The following NAV2 variants were observed in gnomAD, a reference collection of about 807,000 sequenced individuals.
NAV2 encodes the protein neuron navigator 2.
A neutral mutation model predicts 223.2 loss-of-function variants in NAV2; 54 were observed. That is an observed-to-expected ratio of 0.24 (90% CI 0.19 to 0.30). The LOEUF is 0.30. Ranked by LOEUF, NAV2 falls within the 10% of genes least tolerant of loss-of-function variation. NAV2 has a pLI of 1.00. For synonymous variants in NAV2, 1,279 were observed against 1,239.3 expected, an observed-to-expected ratio of 1.03 and a Z score of -0.67; for missense variants, 2,806 against 3,147.5, an observed-to-expected ratio of 0.89 and a Z score of 2.60.
At chr11:19,753,020 C>T (rs1281309519) in intron 1 of NAV2, among the ~76,000 whole-genome samples, 1 of 152,092 alleles carries the variant, frequency 6.6e-6, no homozygotes, top group African/African-American at 2.4e-5. Flanking sequence ...CTCATTCTTT[C>T]CACCATGTGA....
chr11:19,370,756 A>G (rs183470661), intron 1 of NAV2, among the ~76,000 whole-genome samples: 1 of 152,340 alleles, frequency 6.6e-6, no homozygotes, highest in Admixed American at 6.5e-5. Flanking sequence ...CCGTGCACAG[A>G]TACATCATTT....
intron 1 of NAV2, among the ~76,000 whole-genome samples, chr11:19,456,921 A>G (rs968105867): frequency 3.3e-5 from 5 of 152,238 alleles, no homozygotes; most frequent in African/African-American, 9.6e-5. Flanking sequence ...CCTTCAGACT[A>G]GAGGTCCTGT....
At chr11:19,723,632 G>A (rs1412508431) in intron 1 of NAV2, among the ~76,000 whole-genome samples, 1 of 152,174 alleles carries the variant, frequency 6.6e-6, no homozygotes, top group Non-Finnish European at 1.5e-5. Context: ...CAGAGGCTCT[G>A]TGTTTATAGG....
chr11:19,538,021 A>G (rs2044237115), intron 1 of NAV2, among the ~76,000 whole-genome samples: 1 of 152,168 alleles, frequency 6.6e-6, no homozygotes, highest in Non-Finnish European at 1.5e-5. Context: ...AGAGTCCAGA[A>G]CTCAGACCTG....
At chr11:19,760,458 A>G (rs2054637632) in intron 1 of NAV2, among the ~76,000 whole-genome samples, 1 of 152,222 alleles carries the variant, frequency 6.6e-6, no homozygotes, top group Non-Finnish European at 1.5e-5. Context: ...GGCATGTTGC[A>G]GGAAAACAGA....
chr11:19,618,021 A>C (rs2046849599), intron 1 of NAV2, among the ~76,000 whole-genome samples: 1 of 152,034 alleles, frequency 6.6e-6, no homozygotes, highest in Admixed American at 6.6e-5. Flanking sequence ...ACTTTACGCT[A>C]TTTTTCCCTT....
intron 1 of NAV2, among the ~76,000 whole-genome samples, chr11:19,788,985 G>T (rs2057336907): frequency 6.6e-6 from 1 of 151,856 alleles, no homozygotes; most frequent in Non-Finnish European, 1.5e-5. Context: ...AATATTGCTG[G>T]CTCTCATGAG....
chr11:19,941,697 G>A (rs901196124), intron 8 of NAV2, among the ~76,000 whole-genome samples: 5 of 152,044 alleles, frequency 3.3e-5, no homozygotes, highest in African/African-American at 4.8e-5. Context: ...TACTGCTCAT[G>A]AATTCCTTCT....
intron 1 of NAV2, among the ~76,000 whole-genome samples, chr11:19,670,528 C>T (rs1272805875): frequency 6.6e-6 from 1 of 152,248 alleles, no homozygotes; most frequent in Non-Finnish European, 1.5e-5. Context: ...AAGGAAAAGG[C>T]TGCAGCCACC....
intron 3 of NAV2, among the ~76,000 whole-genome samples, chr11:19,844,289 TC>T (rs1164547357): frequency 6.6e-6 from 1 of 152,232 alleles, no homozygotes; most frequent in Non-Finnish European, 1.5e-5. Context: ...ATTATTTCCC[TC>T]CAGGATAGAT....
chr11:20,004,511 C>A (rs902135692), intron 11 of NAV2, among the ~76,000 whole-genome samples: 2 of 152,308 alleles, frequency 1.3e-5, no homozygotes, highest in African/African-American at 4.8e-5. Context: ...CTCTCTGCTG[C>A]CACTGAAGAA....
chr11:19,598,022 T>G (rs2046251361), intron 1 of NAV2, among the ~76,000 whole-genome samples: 1 of 152,246 alleles, frequency 6.6e-6, no homozygotes, highest in Non-Finnish European at 1.5e-5. Flanking sequence ...TTATGACCCA[T>G]GCCAATGGCA....
intron 1 of NAV2, among the ~76,000 whole-genome samples, chr11:19,643,637 G>T (rs1188646478): frequency 6.6e-6 from 1 of 152,144 alleles, no homozygotes; most frequent in African/African-American, 2.4e-5. Context: ...GTGTGCATGT[G>T]TCTTTATAGC....
chr11:20,027,743 T>G (rs2055254600), intron 11 of NAV2: 1 of 152,274 alleles, frequency 6.6e-6, no homozygotes, highest in African/African-American at 2.4e-5. Flanking sequence ...ATCTGATTTT[T>G]TTTACAGCAT....
intron 1 of NAV2, among the ~76,000 whole-genome samples, chr11:19,801,875 G>A (rs189314744): frequency 7.5e-4 from 114 of 152,300 alleles, no homozygotes; most frequent in Non-Finnish European, 1.4e-3. Context: ...TGCATATAAA[G>A]CATGTAGTAC....
chr11:19,595,913 T>C (rs190821401), intron 1 of NAV2, among the ~76,000 whole-genome samples: 1 of 152,308 alleles, frequency 6.6e-6, no homozygotes, highest in East Asian at 1.9e-4. Flanking sequence ...GTAAAAAATG[T>C]ATTTTATATC....
chr11:19,611,740 C>T (rs969808028), intron 1 of NAV2, among the ~76,000 whole-genome samples: 5 of 152,168 alleles, frequency 3.3e-5, no homozygotes, highest in African/African-American at 1.2e-4. Context: ...TACAGCCTCC[C>T]TCCCAGCTGC....
In NAV2 at chr11:19,542,051, T is replaced by A. The variant is rs2044356099; in HGVS notation, c.75+191024T>A. On this transcript the variant is annotated intron_variant, in intron 1 of 37. Coordinates refer to the NAV2 transcript ENST00000360655. ...CAGCACGGAAAAGACAGTTAGAGTCTTAGAGGTCGGCAAAGCCCACCATTG... is the reference window on the plus strand; with the variant it reads ...CAGCACGGAAAAGACAGTTAGAGTCATAGAGGTCGGCAAAGCCCACCATTG... 1.3e-5 allele frequency among the ~76,000 whole-genome samples: 2 copies of A among 152,070 alleles called. 1 individual carries two copies. The highest frequency in any genetic ancestry group is 1.3e-4 in the Admixed American group (2 of 15,266).
At chr11:19,823,805 A>C (rs2059512890) in intron 1 of NAV2, among the ~76,000 whole-genome samples, 1 of 152,216 alleles carries the variant, frequency 6.6e-6, no homozygotes, top group Non-Finnish European at 1.5e-5. Flanking sequence ...AACATTAGAA[A>C]TACCCAATGT....
Sources: gnomAD v4.1 joint callset for allele counts (sites outside exome capture counted in the v4.1 genomes callset) on GRCh38, gnomAD v4.1.1 for gene constraint, MANE v1.5 for transcripts, NCBI Gene and HGNC (gene_info 2026-07-23, HGNC 2026-07-21) for gene names.